The following ZNRF3 variants were observed in gnomAD, a reference collection of about 807,000 sequenced individuals.
ZNRF3 encodes E3 ubiquitin-protein ligase ZNRF3.
In ZNRF3, 23 loss-of-function variants were observed where a neutral mutation model predicts 72.5. The observed-to-expected ratio is 0.32, with a 90% confidence interval of 0.23 to 0.45. ZNRF3 has a LOEUF of 0.45. ZNRF3 is among the 20% of genes least tolerant of loss of function. The pLI, the probability that ZNRF3 is intolerant of heterozygous loss-of-function variation, is 1.00. For missense variants in ZNRF3, 1,169 were observed against 1,272.1 expected (o/e 0.92, Z 1.23); for synonymous variants, 610 against 545.3 (o/e 1.12, Z -1.65).
At chr22:28,993,365 A>G (rs542381677) in intron 2 of ZNRF3, among the ~76,000 whole-genome samples, 1 of 152,334 alleles carries the variant, frequency 6.6e-6, no homozygotes, top group South Asian at 2.1e-4. Context: ...GTCCAACAGC[A>G]TGGGAAGGTG....
At chr22:28,965,126 A>G (rs141260449) in intron 1 of ZNRF3, among the ~76,000 whole-genome samples, 412 of 152,330 alleles carry the variant, frequency 2.7e-3, no homozygotes, top group African/African-American at 9.5e-3. Context: ...CATGCAGACC[A>G]GTGCCACCTG....
intron 2 of ZNRF3, among the ~76,000 whole-genome samples, chr22:28,996,648 C>T (rs1569274950): frequency 2.0e-5 from 3 of 152,168 alleles, no homozygotes; most frequent in African/African-American, 7.2e-5. Flanking sequence ...TTCTGTTCTG[C>T]AGTACTGGGG....
chr22:29,018,894 C>T (rs977532315), intron 2 of ZNRF3, among the ~76,000 whole-genome samples: 12 of 151,462 alleles, frequency 7.9e-5, no homozygotes, highest in African/African-American at 2.7e-4. Flanking sequence ...TTTCATTGCT[C>T]ATGATTCTGT....
chr22:28,906,302 A>G (rs2034206624), intron 1 of ZNRF3, among the ~76,000 whole-genome samples: 1 of 152,206 alleles, frequency 6.6e-6, no homozygotes, highest in South Asian at 2.1e-4. Context: ...ACTCCAGCCT[A>G]GGTGACAGTG....
chr22:29,051,895 A>C (rs1258375628), intron 8 of ZNRF3, among the ~76,000 whole-genome samples: 1 of 151,558 alleles, frequency 6.6e-6, no homozygotes, highest in Non-Finnish European at 1.5e-5. Context: ...AAAAAAAAAA[A>C]AAAACCTAGG....
In ZNRF3 at chr22:29,050,015, G is replaced by A. The variant is rs764157636; in HGVS notation, c.1834G>A (p.Gly612Ser). ...RSPCRASEAG[G>S]SGSSGRGPAL... ...CCCCTGTCGTGCCAGTGAGGCGGGG[G>A]GCTCGGGCAGCTCGGGCCGGGGACC... The change falls in exon 8 of 9, where the codon GGC becomes AGC. Residue 612 changes from glycine (G) to serine (S), a missense_variant. Transcript: ENST00000544604. 1.8e-5 allele frequency: 29 copies of A among 1,611,342 alleles called. No individual in the cohort carries two copies. The highest frequency in any genetic ancestry group is 3.3e-5 in the South Asian group (3 of 90,844).
At chr22:29,001,472 C>CTTTTTTT (rs750297109) in intron 2 of ZNRF3, among the ~76,000 whole-genome samples, 1 of 125,020 alleles carries the variant, frequency 8.0e-6, no homozygotes, top group East Asian at 2.4e-4. Flanking sequence ...ATTTTTTAAA[C>CTTTTTTT]TTTTTTTTTT....
rs149994563 is a variant in ZNRF3 at position 29,024,323 on chromosome 22, G to A, written c.427-18172G>A. 1.6e-4 allele frequency among the ~76,000 whole-genome samples: 21 copies of A among 132,878 alleles called. No individual in the cohort carries two copies. In the East Asian group the frequency reaches 4.1e-3, roughly 26 times the overall value. 87.2% of individuals were successfully genotyped at this position (132,878 alleles called of 152,430 possible). A position where few individuals can be genotyped will look rare whatever the true frequency, so the allele number is the denominator to read the frequency against. ...GCTTTCAATTTTCTGCACTGTTAAA[G>A]GCTGTCAAACTATACTTTAATCTGC... On this transcript the variant is annotated intron_variant, in intron 2 of 8. Coordinates refer to ENST00000544604, the MANE Select transcript of ZNRF3 (RefSeq NM_001206998.2).
At chr22:28,965,246 T>C (rs956160701) in intron 1 of ZNRF3, among the ~76,000 whole-genome samples, 1 of 152,196 alleles carries the variant, frequency 6.6e-6, no homozygotes, top group Non-Finnish European at 1.5e-5. Flanking sequence ...GGAGATAATG[T>C]ATGTTATACT....
In ZNRF3 at chr22:29,044,909, G is replaced by C. The variant is rs2037036278; in HGVS notation, c.744+19G>C. ...CAGTCAGGTAGTGCCTCTGTGTGTA[G>C]CCCGTGAGCAGTAACCCCTCTTGCC... is the stretch of plus-strand genomic sequence containing the variant. On this transcript the variant is annotated intron_variant, in intron 5 of 8. Transcript: ENST00000544604. 1.9e-6 allele frequency: 3 copies of C among 1,572,248 alleles called. No individual in the cohort carries two copies. The highest frequency in any genetic ancestry group is 2.6e-6 in the Non-Finnish European group (3 of 1,142,034).
intron 1 of ZNRF3, among the ~76,000 whole-genome samples, chr22:28,952,358 C>T (rs2035179048): frequency 6.6e-6 from 1 of 152,196 alleles, no homozygotes; most frequent in African/African-American, 2.4e-5. Context: ...CAGCTGCCTG[C>T]ACAGAAAGTT....
In ZNRF3 at chr22:29,049,618, C is replaced by T. The variant is rs1435746950; in HGVS notation, c.1437C>T (p.Tyr479=). 1.9e-6 allele frequency: 3 copies of T among 1,610,734 alleles called. No homozygotes were observed. Among genetic ancestry groups the T allele is most frequent in the Non-Finnish European group, 8.5e-7 (1 of 1,179,488 alleles). Residue 479 remains tyrosine (Y), a synonymous_variant, in exon 8 of 9, where the codon TAC becomes TAT. Coordinates refer to ENST00000544604, the MANE Select transcript of ZNRF3 (RefSeq NM_001206998.2). The surrounding 1 kb of genome is among the most constrained non-coding windows in gnomAD (Gnocchi z 5.2). ...ACTACTACTTCCAGGGCCTCAGCTA[C>T]CCGGAGCAGGAGGGGCAGTCCCCAC... is the stretch of plus-strand genomic sequence containing the variant. ...YQHYYFQGLS[Y]PEQEGQSPPS...
At chr22:28,994,672 G>A (rs2036018865) in intron 2 of ZNRF3, among the ~76,000 whole-genome samples, 1 of 152,134 alleles carries the variant, frequency 6.6e-6, no homozygotes. Flanking sequence ...TTGGATGACA[G>A]CGTGAATATG....
Position 28,957,145 on chromosome 22 carries a change from G to A in ZNRF3, c.301-29931G>A, listed in dbSNP as rs1343343453. Among the ~76,000 whole-genome samples the A allele has an allele frequency of 5.3e-5, 8 of 152,312 alleles. No individual in the cohort carries two copies. The South Asian group carries it at 1.5e-3, about 28-fold the overall frequency. Reference sequence around the variant, plus strand: ...TCTGTTACAACCCTTAAGTTTTATGGTTTCGAGCCAGGACAGTACTTCTTA... The same window carrying A: ...TCTGTTACAACCCTTAAGTTTTATGATTTCGAGCCAGGACAGTACTTCTTA... On this transcript the variant is annotated intron_variant, in intron 1 of 8. Transcript: ENST00000544604.
chr22:28,910,308 T>C (rs1215374712), intron 1 of ZNRF3, among the ~76,000 whole-genome samples: 1 of 152,186 alleles, frequency 6.6e-6, no homozygotes. Flanking sequence ...CTCAAAGTGC[T>C]GGGATTACAG....
At chr22:29,009,905 C>CTTT (rs57028204) in intron 2 of ZNRF3, among the ~76,000 whole-genome samples, 8,997 of 123,474 alleles carry the variant, frequency 0.073, 572 homozygotes, top group Non-Finnish European at 0.084. Context: ...ACTTTTTCCT[C>CTTT]TTTTTTTTTT....
At chr22:28,907,863 T>C (rs2034240738) in intron 1 of ZNRF3, among the ~76,000 whole-genome samples, 1 of 152,238 alleles carries the variant, frequency 6.6e-6, no homozygotes, top group South Asian at 2.1e-4. Context: ...AAAGCATTTG[T>C]GGTTGTCTTT....
At chr22:29,015,416 T>C (rs1221806747) in intron 2 of ZNRF3, among the ~76,000 whole-genome samples, 1 of 152,178 alleles carries the variant, frequency 6.6e-6, no homozygotes, top group African/African-American at 2.4e-5. Flanking sequence ...ATGCCTATAA[T>C]CCCAACACTT....
At chr22:29,018,223 C>T (rs1469300221) in intron 2 of ZNRF3, 2 of 315,130 alleles carry the variant, frequency 6.3e-6, no homozygotes, top group Non-Finnish European at 1.3e-5. Flanking sequence ...AGATTGGAGA[C>T]AGAGAAACTG....
Sources: allele counts gnomAD v4.1 joint callset (sites outside exome capture counted in the v4.1 genomes callset), GRCh38; gene constraint gnomAD v4.1.1; non-coding constraint Gnocchi (gnomAD v3.1); transcripts MANE v1.5; gene names NCBI Gene and HGNC (gene_info 2026-07-23, HGNC 2026-07-21).